Variants in EVI5 observed in about 807,000 individuals in gnomAD.
EVI5 encodes ecotropic viral integration site 5 protein homolog.
EVI5 carries 73 observed loss-of-function variants against 112.0 expected under a neutral mutation model. That is an observed-to-expected ratio of 0.65 (90% CI 0.54 to 0.79). The LOEUF (loss-of-function observed/expected upper bound fraction) is 0.79. EVI5 is among the 30% of genes least tolerant of loss of function. EVI5 has a pLI of 0.00. For missense variants in EVI5, 900 were observed against 968.8 expected (o/e 0.93, Z 0.94); for synonymous variants, 305 against 319.9 (o/e 0.95, Z 0.50).
At chr1:92,644,882 T>C (rs1660657350) in intron 13 of EVI5, among the ~76,000 whole-genome samples, 1 of 152,226 alleles carries the variant, frequency 6.6e-6, no homozygotes, top group African/African-American at 2.4e-5. Flanking sequence ...ATCCTTTGTA[T>C]GATTTCAATT....
chr1:92,647,884 A>ACC (rs2102016200), intron 13 of EVI5, among the ~76,000 whole-genome samples: 1 of 151,644 alleles, frequency 6.6e-6, no homozygotes, highest in South Asian at 2.1e-4. Flanking sequence ...GGATTACTAG[A>ACC]CCACCATGCA....
chr1:92,754,941 A>G (rs1425192728), intron 1 of EVI5, among the ~76,000 whole-genome samples: 3 of 152,212 alleles, frequency 2.0e-5, no homozygotes, highest in African/African-American at 7.2e-5. Flanking sequence ...GTAAAAGGGC[A>G]TGTTTATATG....
At chr1:92,661,864 G>A (rs913958740) in intron 13 of EVI5, among the ~76,000 whole-genome samples, 6 of 152,028 alleles carry the variant, frequency 3.9e-5, no homozygotes, top group Non-Finnish European at 8.8e-5. Flanking sequence ...TAGAGTTCCA[G>A]GATTAACACA....
intron 19 of EVI5, among the ~76,000 whole-genome samples, chr1:92,563,369 T>G (rs1571563934): frequency 6.6e-6 from 1 of 152,184 alleles, no homozygotes; most frequent in African/African-American, 2.4e-5. Context: ...ATCAAGAGTT[T>G]TTACACCACA....
rs529994420 is a variant in EVI5, at chr1:92,639,178, T to C, written c.1393-2842A>G. Among the ~76,000 whole-genome samples, 16 of 152,276 alleles carry C rather than the reference T, an allele frequency of 1.1e-4. No individual in the cohort carries two copies. In the South Asian group the frequency reaches 2.7e-3, roughly 26 times the overall value. ...TGTGATACCAGCAATCCCATTCCAATGAAACTGACAGAAATTCTTTTTAGT... is the reference window on the plus strand; with the variant it reads ...TGTGATACCAGCAATCCCATTCCAACGAAACTGACAGAAATTCTTTTTAGT... On this transcript the variant is annotated intron_variant, in intron 13 of 19. Coordinates refer to ENST00000684568, the MANE Select transcript of EVI5 (RefSeq NM_001350197.2).
intron 2 of EVI5, among the ~76,000 whole-genome samples, chr1:92,708,259 T>C (rs1672308724): frequency 6.6e-6 from 1 of 151,628 alleles, no homozygotes; most frequent in Non-Finnish European, 1.5e-5. Context: ...GGGACTTGTA[T>C]CTAGAATATA....
rs553062541 is a variant in EVI5, at chr1:92,511,472, A to G, written c.*2184T>C. ...AAAACAAAAATAAAAACAAAACAAA[A>G]CAGAGAATTGAGAAATTCTTCAGCT... On this transcript the variant is annotated 3_prime_UTR_variant, in exon 20 of 20. Transcript: ENST00000684568. The G allele has an allele frequency of 1.4e-4, 22 of 152,174 alleles. No homozygotes were observed. Among genetic ancestry groups the G allele is most frequent in the African/African-American group, 5.1e-4 (21 of 41,482 alleles). The allele number at this position is 152,174 out of a possible 1,614,324, so 9.4% of individuals were successfully genotyped here. A position where few individuals can be genotyped will look rare whatever the true frequency, so the allele number is the denominator to read the frequency against.
chr1:92,659,443 G>C (rs981500708), intron 13 of EVI5, among the ~76,000 whole-genome samples: 1 of 151,988 alleles, frequency 6.6e-6, no homozygotes, highest in Admixed American at 6.5e-5. Flanking sequence ...CAAAGGACAT[G>C]AACAGACTTT....
At chr1:92,593,285 A>G (rs1335392642) in intron 18 of EVI5, among the ~76,000 whole-genome samples, 2 of 152,208 alleles carry the variant, frequency 1.3e-5, no homozygotes, top group African/African-American at 4.8e-5. Flanking sequence ...CAATAAATGT[A>G]ATCCAGCATA....
chr1:92,577,266 C>T (rs184487745), intron 18 of EVI5, among the ~76,000 whole-genome samples: 1 of 152,222 alleles, frequency 6.6e-6, no homozygotes, highest in African/African-American at 2.4e-5. Flanking sequence ...TGCTCATCTT[C>T]CCCAGGATCC....
At chr1:92,568,567 G>C (rs1669847765) in intron 18 of EVI5, among the ~76,000 whole-genome samples, 1 of 152,018 alleles carries the variant, frequency 6.6e-6, no homozygotes, top group Admixed American at 6.6e-5. Context: ...TGTGCATCTA[G>C]AGTACTACCA....
chr1:92,742,675 CAA>C (rs1308447080), intron 1 of EVI5, among the ~76,000 whole-genome samples: 1 of 133,744 alleles, frequency 7.5e-6, no homozygotes, highest in African/African-American at 2.8e-5. Context: ...CTCTGTCTCA[CAA>C]AAAAAAAAAT....
intron 2 of EVI5, chr1:92,733,120 G>T: frequency 8.9e-6 from 2 of 224,410 alleles, no homozygotes; most frequent in South Asian, 1.6e-4. Flanking sequence ...ATTACTTCAG[G>T]AGAAGCCTTA....
chr1:92,790,140 T>C (rs2103158263), intron 1 of EVI5, among the ~76,000 whole-genome samples: 1 of 152,258 alleles, frequency 6.6e-6, no homozygotes, highest in South Asian at 2.1e-4. Flanking sequence ...AGTCAGACCC[T>C]ATCTGTACAA....
chr1:92,579,110 T>G (rs1159700846), intron 18 of EVI5, among the ~76,000 whole-genome samples: 1 of 152,222 alleles, frequency 6.6e-6, no homozygotes, highest in African/African-American at 2.4e-5. Flanking sequence ...ATGTTATTCA[T>G]GTATCTTTTC....
intron 18 of EVI5, among the ~76,000 whole-genome samples, chr1:92,587,858 G>A (rs1185800065): frequency 6.6e-6 from 1 of 152,198 alleles, no homozygotes; most frequent in Non-Finnish European, 1.5e-5. Context: ...TTAGCCCACA[G>A]AAGCTTTTAA....
At chr1:92,679,873 C>A (rs1667324844) in intron 9 of EVI5, among the ~76,000 whole-genome samples, 1 of 152,082 alleles carries the variant, frequency 6.6e-6, no homozygotes, top group African/African-American at 2.4e-5. Context: ...GACATAAATG[C>A]CGTTTTCATT....
intron 10 of EVI5, among the ~76,000 whole-genome samples, chr1:92,674,898 C>T (rs1197621760): frequency 2.6e-5 from 4 of 152,086 alleles, no homozygotes; most frequent in African/African-American, 9.7e-5. Context: ...CTTTATTTAC[C>T]TGATATGTTC....
At chr1:92,730,415 G>A (rs1053412492) in intron 2 of EVI5, among the ~76,000 whole-genome samples, 13 of 152,020 alleles carry the variant, frequency 8.6e-5, no homozygotes, top group Admixed American at 1.3e-4. Flanking sequence ...GCTGGTCACA[G>A]TGGTTCACGC....
Sources: gnomAD v4.1 joint callset for allele counts (sites outside exome capture counted in the v4.1 genomes callset) on GRCh38, gnomAD v4.1.1 for gene constraint, MANE v1.5 for transcripts, NCBI Gene and HGNC (gene_info 2026-07-23, HGNC 2026-07-21) for gene names.